MYRIP: variants seen among roughly 807,000 people sequenced by gnomAD.
MYRIP encodes rab effector MyRIP.
In MYRIP, 49 loss-of-function variants were observed where a neutral mutation model predicts 98.0. The ratio of observed to expected loss-of-function variants is 0.50; its 90% CI spans 0.40 to 0.63. The LOEUF (loss-of-function observed/expected upper bound fraction) is 0.63, where lower values mean the gene tolerates loss of function less well. Among genes scored for constraint, MYRIP ranks in the 30% least tolerant of loss-of-function variants. The pLI is 0.00. For synonymous variants in MYRIP, 404 were observed against 409.5 expected, an observed-to-expected ratio of 0.99 and a Z score of 0.16; for missense variants, 1,004 against 1,058.2, an observed-to-expected ratio of 0.95 and a Z score of 0.71.
At chr3:40,200,425 C>T (rs1951524371) in intron 10 of MYRIP, among the ~76,000 whole-genome samples, 1 of 152,064 alleles carries the variant, frequency 6.6e-6, no homozygotes, top group Non-Finnish European at 1.5e-5. Context: ...ATAAATCCAA[C>T]AAAGTTTTAT....
chr3:39,818,270 G>A (rs1222228452), intron 1 of MYRIP, among the ~76,000 whole-genome samples: 8 of 152,068 alleles, frequency 5.3e-5, no homozygotes, highest in Admixed American at 3.9e-4. Flanking sequence ...TCTTGCCATC[G>A]GTAGTATATG....
chr3:39,958,294 G>A (rs368259518), intron 2 of MYRIP, among the ~76,000 whole-genome samples: 1 of 152,148 alleles, frequency 6.6e-6, no homozygotes, highest in African/African-American at 2.4e-5. Flanking sequence ...CAAGGCTACA[G>A]TAACCAAAAC....
At chr3:39,995,119 A>C (rs1011027536) in intron 2 of MYRIP, among the ~76,000 whole-genome samples, 3 of 152,250 alleles carry the variant, frequency 2.0e-5, no homozygotes, top group Non-Finnish European at 4.4e-5. Flanking sequence ...GAAACTCTAA[A>C]TATCAGAGTG....
intron 3 of MYRIP, among the ~76,000 whole-genome samples, chr3:40,104,384 A>G (rs1949013354): frequency 6.6e-6 from 1 of 152,218 alleles, no homozygotes; most frequent in Non-Finnish European, 1.5e-5. Flanking sequence ...AAGATGAACA[A>G]AAGTAGAATT....
At chr3:39,845,850 AC>A (rs1941947420) in intron 1 of MYRIP, among the ~76,000 whole-genome samples, 2 of 130,698 alleles carry the variant, frequency 1.5e-5, no homozygotes, top group African/African-American at 3.1e-5. Flanking sequence ...ACTTTCCCCT[AC>A]CAAAAAAAAA....
At chr3:40,240,445 C>A (rs1037210888) in intron 12 of MYRIP, among the ~76,000 whole-genome samples, 8 of 152,118 alleles carry the variant, frequency 5.3e-5, no homozygotes, top group African/African-American at 1.7e-4. Context: ...ACACTGTGCA[C>A]GAGCTGAAGC....
At chr3:40,099,932 A>G in intron 3 of MYRIP, 1 of 921,976 alleles carries the variant, frequency 1.1e-6, no homozygotes, top group Non-Finnish European at 1.3e-6. Flanking sequence ...CCTGTTGCAC[A>G]TGTGTTGATG....
intron 10 of MYRIP, among the ~76,000 whole-genome samples, chr3:40,194,266 C>T (rs952580605): frequency 1.3e-5 from 2 of 152,146 alleles, no homozygotes; most frequent in African/African-American, 4.8e-5. Context: ...TAAGCTCTAA[C>T]CTTCAAATTA....
rs1191378108 is a variant in MYRIP at position 40,182,371 on chromosome 3, C to G, written c.1025C>G (p.Thr342Arg). The change falls in exon 9 of 17, where the codon ACA becomes AGA. Residue 342 changes from threonine (T) to arginine (R), a missense_variant and splice_region_variant. This residue lies in a region of MYRIP where 880 missense variants were observed against 907.7 expected (regional missense o/e 0.97). Coordinates refer to ENST00000302541, the MANE Select transcript of MYRIP (RefSeq NM_015460.4). ...AAGAGTGTGGACAGGCTGGATGAAA[C>G]AAGTAACTGTTTTAAGCAGTATCTA... ...SWKSVDRLDETNLAPVLQSPD... is the reference protein window; with the variant it reads ...SWKSVDRLDERNLAPVLQSPD... The G allele has an allele frequency of 1.9e-6, 3 of 1,611,486 alleles. No individual in the cohort carries two copies. The highest frequency in any genetic ancestry group is 4.5e-5 in the East Asian group (2 of 44,720).
intron 1 of MYRIP, among the ~76,000 whole-genome samples, chr3:39,836,265 A>G (rs1224389395): frequency 6.6e-6 from 1 of 152,098 alleles, no homozygotes; most frequent in Non-Finnish European, 1.5e-5. Flanking sequence ...TTGTTTCCTG[A>G]CTTTTTAATG....
At chr3:40,256,078 A>G (rs951738202) in intron 16 of MYRIP, among the ~76,000 whole-genome samples, 2 of 152,326 alleles carry the variant, frequency 1.3e-5, no homozygotes, top group Admixed American at 1.3e-4. Context: ...GCTACTGAGC[A>G]CTTGAAATGT....
intron 2 of MYRIP, among the ~76,000 whole-genome samples, chr3:40,000,338 A>G (rs954130943): frequency 1.3e-5 from 2 of 152,198 alleles, no homozygotes; most frequent in Non-Finnish European, 2.9e-5. Context: ...GCAAATTCCT[A>G]TCAGCATTTG....
At chr3:40,143,712 TG>T (rs1267268509) in intron 3 of MYRIP, among the ~76,000 whole-genome samples, 1 of 152,250 alleles carries the variant, frequency 6.6e-6, no homozygotes, top group Non-Finnish European at 1.5e-5. Flanking sequence ...TGTGACATTT[TG>T]ATATATATAC....
intron 2 of MYRIP, among the ~76,000 whole-genome samples, chr3:39,969,837 A>G (rs998839492): frequency 6.6e-6 from 1 of 152,222 alleles, no homozygotes; most frequent in Admixed American, 6.5e-5. Flanking sequence ...CTGGCCTAAT[A>G]GAATGAGTTT....
intron 1 of MYRIP, among the ~76,000 whole-genome samples, chr3:39,856,535 A>G (rs1942300741): frequency 6.6e-6 from 1 of 152,156 alleles, no homozygotes; most frequent in Non-Finnish European, 1.5e-5. Context: ...GCCAGGGGCA[A>G]TTATACAGCC....
At chr3:40,162,626 A>G in intron 4 of MYRIP, 104 bp from the exon 5 acceptor site, 3 of 932,054 alleles carry the variant, frequency 3.2e-6, no homozygotes, top group South Asian at 1.5e-5. Flanking sequence ...TAACAACCCA[A>G]GTGTGTAATA....
intron 2 of MYRIP, among the ~76,000 whole-genome samples, chr3:39,940,985 A>C (rs890263901): frequency 6.6e-5 from 10 of 152,162 alleles, no homozygotes; most frequent in Admixed American, 5.2e-4. Flanking sequence ...ATTGAGCCCC[A>C]TGGTATGCAT....
intron 12 of MYRIP, among the ~76,000 whole-genome samples, chr3:40,242,900 G>A (rs1353451241): frequency 6.6e-6 from 1 of 150,634 alleles, no homozygotes; most frequent in African/African-American, 2.4e-5. Flanking sequence ...GAAATTTTGT[G>A]ATACATTATT....
At chr3:39,814,485 G>C (rs1940812438) in intron 1 of MYRIP, among the ~76,000 whole-genome samples, 1 of 152,078 alleles carries the variant, frequency 6.6e-6, no homozygotes. Context: ...GTATACCTGT[G>C]TTGTTGAGGC....
Sources: gnomAD v4.1 joint callset for allele counts (sites outside exome capture counted in the v4.1 genomes callset) on GRCh38, gnomAD v4.1.1 for gene constraint, gnomAD v4.1.1 regional missense constraint, MANE v1.5 for transcripts, NCBI Gene and HGNC (gene_info 2026-07-23, HGNC 2026-07-21) for gene names.